Variants in DNASE1L3 observed in about 807,000 individuals in gnomAD.
DNASE1L3 encodes the protein deoxyribonuclease gamma.
Under a neutral mutation model 30.9 loss-of-function variants are expected in DNASE1L3, and 27 were observed. That is an observed-to-expected ratio of 0.87 (90% confidence interval 0.64 to 1.20). The LOEUF (loss-of-function observed/expected upper bound fraction) is 1.20, where lower values mean the gene tolerates loss of function less well. DNASE1L3 is among the 50% of genes most tolerant of loss of function. The pLI is 0.00. For synonymous variants in DNASE1L3, 135 were observed against 138.0 expected (o/e 0.98, Z 0.15); for missense variants, 364 against 378.2 (o/e 0.96, Z 0.31).
At chr3:58,202,041 A>G (rs1379015705) in intron 4 of DNASE1L3, among the ~76,000 whole-genome samples, 1 of 146,004 alleles carries the variant, frequency 6.8e-6, no homozygotes, top group African/African-American at 2.5e-5. Context: ...GCAAATCTGT[A>G]TTTTCTTTTG....
At position 58,192,404 on chromosome 3, in the gene DNASE1L3, G is replaced by A. The variant is rs1245737690; in HGVS notation, c.*283C>T. 1.2e-5 allele frequency: 3 copies of A among 240,736 alleles called. No homozygotes were observed. Among genetic ancestry groups the A allele is most frequent in the Admixed American group, 5.4e-5 (1 of 18,432 alleles). 14.9% of individuals were successfully genotyped at this position (240,736 alleles called of 1,614,324 possible). A position where few individuals can be genotyped will look rare whatever the true frequency, so the allele number is the denominator to read the frequency against. On this transcript the variant is annotated 3_prime_UTR_variant, in exon 8 of 8. Coordinates refer to ENST00000394549, the MANE Select transcript of DNASE1L3 (RefSeq NM_004944.4). The surrounding 1 kb of genome is among the most constrained non-coding windows in gnomAD (Gnocchi z 4.8). ...GCAGCCTCTCGCATGACAGGGTTGA[G>A]CAGGGCCAGTGACAGTGGATGGGGC...
chr3:58,210,969 T>G lies in DNASE1L3; in HGVS notation c.-63A>C. The G allele has an allele frequency of 6.3e-7, 1 of 1,592,904 alleles. No individual in the cohort carries two copies. The highest frequency in any genetic ancestry group is 1.7e-5 in the Admixed American group (1 of 57,394). On this transcript the variant is annotated 5_prime_UTR_variant, in exon 1 of 8. Transcript: ENST00000394549. ...CAGCAGTGCTTGGAGTGCTGGATTC[T>G]GGCCACTTCCGCAGGCTCCACTGAC...
intron 2 of DNASE1L3, 118 bp downstream of exon 2, chr3:58,208,100 T>C (rs2097405264): frequency 1.0e-6 from 1 of 952,466 alleles, no homozygotes; most frequent in East Asian, 2.4e-5. Context: ...TGGGCAACAC[T>C]GGCTGTGTGA....
chr3:58,203,810 GA>G (rs963010177), intron 4 of DNASE1L3, among the ~76,000 whole-genome samples: 39 of 147,704 alleles, frequency 2.6e-4, no homozygotes, highest in Admixed American at 4.7e-4. Context: ...AAAAACAGAA[GA>G]AAAAAAAAAG....
intron 4 of DNASE1L3, among the ~76,000 whole-genome samples, chr3:58,202,527 T>G (rs964384371): frequency 2.0e-5 from 3 of 151,402 alleles, no homozygotes; most frequent in Admixed American, 1.3e-4. Context: ...ATTACAGGCA[T>G]GAGCCACCGA....
At chr3:58,193,468 G>A in intron 6 of DNASE1L3, 29 bp from the exon 7 acceptor site, 2 of 1,581,390 alleles carry the variant, frequency 1.3e-6, no homozygotes, top group Non-Finnish European at 1.7e-6. Context: ...AAACAGTTGT[G>A]TTAATCCAAC....
At chr3:58,207,111 C>G (rs937592830) in intron 2 of DNASE1L3, among the ~76,000 whole-genome samples, 1 of 152,164 alleles carries the variant, frequency 6.6e-6, no homozygotes, top group Non-Finnish European at 1.5e-5. Context: ...CGGCTCACAC[C>G]TGTAATCCCA....
chr3:58,199,605 A>T (rs554757551), intron 5 of DNASE1L3, among the ~76,000 whole-genome samples: 2 of 152,024 alleles, frequency 1.3e-5, no homozygotes, highest in Non-Finnish European at 2.9e-5. Flanking sequence ...TGGAGGTTGC[A>T]GTGAGCCGAG....
At chr3:58,206,285 G>A (rs2097403848) in intron 2 of DNASE1L3, among the ~76,000 whole-genome samples, 1 of 152,052 alleles carries the variant, frequency 6.6e-6, no homozygotes, top group Non-Finnish European at 1.5e-5. Flanking sequence ...AAAGATCTAG[G>A]GCATGTCTAA....
At chr3:58,208,559 A>T (rs564912747) in intron 1 of DNASE1L3, among the ~76,000 whole-genome samples, 1 of 152,318 alleles carries the variant, frequency 6.6e-6, no homozygotes, top group Admixed American at 6.5e-5. Context: ...CGGAGGCAGA[A>T]TTTGAACCTA....
At chr3:58,207,601 T>C (rs1477225623) in intron 2 of DNASE1L3, among the ~76,000 whole-genome samples, 2 of 152,192 alleles carry the variant, frequency 1.3e-5, no homozygotes, top group Non-Finnish European at 2.9e-5. Context: ...TTGCTTTTTT[T>C]CAATATATTG....
chr3:58,210,713 GGAGA>G lies in DNASE1L3; in HGVS notation c.141+49_141+52del, dbSNP rs1416455135. 7.1e-5 allele frequency: 115 copies of G among 1,612,256 alleles called. 2 individuals are homozygous for G. In the Admixed American group the frequency reaches 1.9e-3, roughly 27 times the overall value. ...TTGAGTCTCTTAAAGTCTGCAGACA[GGAGA>G]GAGGGTGTGAGGGGTGTCTGGGATC... On this transcript the variant is annotated intron_variant, in intron 1 of 7. Transcript: ENST00000394549.
At chr3:58,203,654 G>C (rs1396770420) in intron 4 of DNASE1L3, among the ~76,000 whole-genome samples, 1 of 151,794 alleles carries the variant, frequency 6.6e-6, no homozygotes, top group African/African-American at 2.4e-5. Context: ...TTTAAAATTA[G>C]CTGAGTGTGG....
chr3:58,200,516 G>A lies in DNASE1L3; in HGVS notation c.546+481C>T, dbSNP rs952055579. ...AGCCCTGGATCCAGCTATGCCTGAA[G>A]TACTCCTGGACATTTCAGTTACACA... On this transcript the variant is annotated intron_variant, in intron 5 of 7. Transcript: ENST00000394549. The surrounding 1 kb of genome is among the most constrained non-coding windows in gnomAD (Gnocchi z 4.2). Among the ~76,000 whole-genome samples the A allele has an allele frequency of 2.0e-5, 3 of 152,134 alleles. No individual in the cohort carries two copies. Among genetic ancestry groups the A allele is most frequent in the African/African-American group, 7.2e-5 (3 of 41,410 alleles).
intron 2 of DNASE1L3, among the ~76,000 whole-genome samples, chr3:58,205,899 C>A (rs1028558543): frequency 1.3e-5 from 2 of 152,216 alleles, no homozygotes; most frequent in South Asian, 4.1e-4. Context: ...CCACTGAGAC[C>A]CTAGAAGACA....
chr3:58,205,421 A>G, intron 3 of DNASE1L3, 50 bp downstream of exon 3: 1 of 1,506,424 alleles, frequency 6.6e-7, no homozygotes, highest in Non-Finnish European at 9.2e-7. Context: ...TTTTGATTCA[A>G]TTCACGATTT....
rs113844064 is a variant in DNASE1L3, at chr3:58,197,694, C to A, written c.704+127G>T. 3.6e-3 allele frequency: 4,540 copies of A among 1,262,788 alleles called. 49 individuals are homozygous for A. Among genetic ancestry groups the A allele is most frequent in the Middle Eastern group, 0.026 (94 of 3,672 alleles). 78.2% of individuals were successfully genotyped at this position (1,262,788 alleles called of 1,614,324 possible). ...TCTCAAACTCCTGTACTCAAGCGAT[C>A]CATCCATCGAGGCCTCCCAAAGTGC... On this transcript the variant is annotated intron_variant, in intron 6 of 7. Coordinates refer to ENST00000394549, the MANE Select transcript of DNASE1L3 (RefSeq NM_004944.4). This position sits in a 1 kb window ranked among gnomAD's most constrained non-coding sequence, Gnocchi z 5.3.
chr3:58,203,041 T>C (rs949349366), intron 4 of DNASE1L3, among the ~76,000 whole-genome samples: 4 of 152,336 alleles, frequency 2.6e-5, no homozygotes, highest in African/African-American at 9.6e-5. Flanking sequence ...AAGCCGTTCC[T>C]GGCCCACCTG....
chr3:58,193,567 A>G (rs2097395466), intron 6 of DNASE1L3, 128 bp from the exon 7 acceptor site: 2 of 754,306 alleles, frequency 2.7e-6, no homozygotes, highest in Non-Finnish European at 4.3e-6. Flanking sequence ...CTCAAAGTCC[A>G]GAGCTGGTTT....
Sources: allele counts gnomAD v4.1 joint callset (sites outside exome capture counted in the v4.1 genomes callset), GRCh38; gene constraint gnomAD v4.1.1; non-coding constraint Gnocchi (gnomAD v3.1); transcripts MANE v1.5; gene names NCBI Gene and HGNC (gene_info 2026-07-23, HGNC 2026-07-21).